AGBL4: variants seen among roughly 807,000 people sequenced by gnomAD.
AGBL4 encodes the protein cytosolic carboxypeptidase 6.
A neutral mutation model predicts 66.4 loss-of-function variants in AGBL4; 58 were observed. The ratio of observed to expected loss-of-function variants is 0.87; its 90% CI spans 0.71 to 1.09. The LOEUF is 1.09. AGBL4 is among the 50% of genes least tolerant of loss of function. AGBL4 has a pLI of 0.00. For missense variants in AGBL4, 579 were observed against 631.0 expected (o/e 0.92, Z 0.88); for synonymous variants, 234 against 222.9 (o/e 1.05, Z -0.44).
rs879532995 is a variant in AGBL4 at position 49,855,795 on chromosome 1, A to G, written c.35-4277T>C. Among the ~76,000 whole-genome samples the G allele has an allele frequency of 7.2e-5, 11 of 152,280 alleles. No homozygotes were observed. In the East Asian group the frequency reaches 1.7e-3, roughly 24 times the overall value. On this transcript the variant is annotated intron_variant, in intron 1 of 13. Transcript: ENST00000371839. ...TTCACAACAATAAATTACTACATCA[A>G]TAAAGCAGAAAGATTTTAACAATGT...
intron 6 of AGBL4, among the ~76,000 whole-genome samples, chr1:48,680,086 A>G (rs1048845692): frequency 2.6e-5 from 4 of 152,254 alleles, no homozygotes; most frequent in African/African-American, 9.6e-5. Flanking sequence ...TGTCAGCCAG[A>G]TCAATTCCCA....
chr1:49,134,915 G>A (rs544685964), intron 4 of AGBL4, among the ~76,000 whole-genome samples: 4 of 152,150 alleles, frequency 2.6e-5, no homozygotes, highest in South Asian at 2.1e-4. Context: ...GGCTTCAGCA[G>A]GTCCCTCCGT....
chr1:49,285,971 C>T (rs890720361), intron 3 of AGBL4, among the ~76,000 whole-genome samples: 25 of 152,234 alleles, frequency 1.6e-4, no homozygotes, highest in Middle Eastern at 3.4e-3. Flanking sequence ...CAATAAAATA[C>T]GGGCAAAATG....
rs531446411 is a variant in AGBL4 at position 49,650,241 on chromosome 1, G to C, written c.282+47072C>G. 1.4e-4 allele frequency among the ~76,000 whole-genome samples: 21 copies of C among 152,310 alleles called. 1 individual carries two copies. The South Asian group carries it at 4.1e-3, about 30-fold the overall frequency. Reference sequence around the variant, plus strand: ...AGCTGAAGGAAGTGAGCCAAGGTCTGTGAGAGCCCATAGGAAAAAAGCTGG... The same window carrying C: ...AGCTGAAGGAAGTGAGCCAAGGTCTCTGAGAGCCCATAGGAAAAAAGCTGG... On this transcript the variant is annotated intron_variant, in intron 3 of 13. Transcript: ENST00000371839.
chr1:49,837,624 A>G (rs913169889), intron 2 of AGBL4, among the ~76,000 whole-genome samples: 5 of 152,188 alleles, frequency 3.3e-5, no homozygotes, highest in African/African-American at 7.2e-5. Context: ...AGGCGGGTGG[A>G]TCACGAGGTC....
chr1:48,526,429 A>T, the AGBL4 span, among the ~76,000 whole-genome samples: 2 of 152,212 alleles, frequency 1.3e-5, no homozygotes, highest in Non-Finnish European at 2.9e-5. Flanking sequence ...TGAGGATTGC[A>T]TCAGATCATG....
rs552310286 is a variant in AGBL4 at position 48,866,912 on chromosome 1, A to T, written c.634+279T>A. Among the ~76,000 whole-genome samples, 4 of 152,230 alleles carry T rather than the reference A, an allele frequency of 2.6e-5. No individual in the cohort carries two copies. In the South Asian group the frequency reaches 6.2e-4, roughly 24 times the overall value. On this transcript the variant is annotated intron_variant, in intron 6 of 13. Coordinates refer to ENST00000371839, the MANE Select transcript of AGBL4 (RefSeq NM_032785.4). ...ACTTCCTTGACACGTGGGTCCAATG[A>T]GTGATTTGGAGAGAACTTGACCCTA...
chr1:49,996,475 C>T (rs1241794976), intron 1 of AGBL4, among the ~76,000 whole-genome samples: 2 of 151,718 alleles, frequency 1.3e-5, no homozygotes, highest in East Asian at 1.9e-4. Context: ...CTTCAGAGCT[C>T]GAAGATGCTT....
At chr1:49,433,551 A>T (rs1645834633) in intron 3 of AGBL4, among the ~76,000 whole-genome samples, 1 of 152,180 alleles carries the variant, frequency 6.6e-6, no homozygotes, top group Non-Finnish European at 1.5e-5. Context: ...AGTAGTTATC[A>T]TTTTAAGCAA....
At chr1:48,725,899 T>C (rs1010049754) in intron 6 of AGBL4, among the ~76,000 whole-genome samples, 2 of 152,238 alleles carry the variant, frequency 1.3e-5, no homozygotes, top group African/African-American at 2.4e-5. Context: ...CATCTACTTC[T>C]GATTTCATTC....
At chr1:48,954,609 C>T (rs1256422070) in intron 5 of AGBL4, among the ~76,000 whole-genome samples, 1 of 152,178 alleles carries the variant, frequency 6.6e-6, no homozygotes, top group Non-Finnish European at 1.5e-5. Flanking sequence ...GTGGTTATAA[C>T]ATATGGATTT....
intron 3 of AGBL4, among the ~76,000 whole-genome samples, chr1:49,274,978 A>G (rs1570305855): frequency 6.7e-6 from 1 of 149,674 alleles, no homozygotes; most frequent in Non-Finnish European, 1.5e-5. Context: ...AAAATAAAAC[A>G]TTTATCTTTC....
intron 6 of AGBL4, among the ~76,000 whole-genome samples, chr1:48,758,714 TA>T (rs1644082011): frequency 6.6e-6 from 1 of 152,212 alleles, no homozygotes; most frequent in Non-Finnish European, 1.5e-5. Flanking sequence ...GCTGCATACA[TA>T]AGCTCCTACC....
At chr1:49,941,687 T>C (rs1434262551) in intron 1 of AGBL4, among the ~76,000 whole-genome samples, 1 of 152,060 alleles carries the variant, frequency 6.6e-6, no homozygotes, top group Non-Finnish European at 1.5e-5. Context: ...AATCTGTTCA[T>C]GATTTTAAAA....
intron 4 of AGBL4, among the ~76,000 whole-genome samples, chr1:49,122,464 C>G (rs1162548842): frequency 6.6e-6 from 1 of 152,134 alleles, no homozygotes; most frequent in African/African-American, 2.4e-5. Flanking sequence ...ATGCTGCAGG[C>G]CACATGACAC....
intron 3 of AGBL4, among the ~76,000 whole-genome samples, chr1:49,684,072 G>A (rs1404753817): frequency 6.6e-6 from 1 of 152,122 alleles, no homozygotes; most frequent in Non-Finnish European, 1.5e-5. Context: ...TCATAATGGG[G>A]CATAATAAGA....
intron 6 of AGBL4, among the ~76,000 whole-genome samples, chr1:48,665,271 G>A (rs768696722): frequency 7.9e-5 from 12 of 152,196 alleles, no homozygotes; most frequent in Non-Finnish European, 1.8e-4. Flanking sequence ...ATTATTTAAA[G>A]AGGAATTCAA....
At chr1:48,648,806 T>C (rs1645880103) in intron 8 of AGBL4, among the ~76,000 whole-genome samples, 1 of 152,224 alleles carries the variant, frequency 6.6e-6, no homozygotes, top group African/African-American at 2.4e-5. Flanking sequence ...ATCCAGTTTG[T>C]TAAATTATAA....
intron 9 of AGBL4, among the ~76,000 whole-genome samples, chr1:48,602,666 C>T (rs779528361): frequency 5.9e-5 from 9 of 152,088 alleles, no homozygotes; most frequent in Non-Finnish European, 1.2e-4. Flanking sequence ...TGTACTTTAT[C>T]CTAGGGAAAA....
Sources: allele counts gnomAD v4.1 joint callset (sites outside exome capture counted in the v4.1 genomes callset), GRCh38; gene constraint gnomAD v4.1.1; transcripts MANE v1.5; gene names NCBI Gene and HGNC (gene_info 2026-07-23, HGNC 2026-07-21).